Variants in SLC38A12 observed in about 807,000 individuals in gnomAD.
SLC38A12 encodes the protein putative sodium-coupled neutral amino acid transporter 12.
the SLC38A12 span, among the ~76,000 whole-genome samples, chr17:74,811,663 G>A: frequency 1.2e-4 from 18 of 152,174 alleles, no homozygotes; most frequent in East Asian, 1.4e-3. Context: ...GGAGGTTGCC[G>A]CGAGCCAAGA....
At chr17:74,819,725 C>T in the SLC38A12 span, 1 of 1,611,092 alleles carries the variant, frequency 6.2e-7, no homozygotes, top group Non-Finnish European at 8.5e-7. Context: ...CCTGCACCCT[C>T]CTCACTCTTG....
the SLC38A12 span, among the ~76,000 whole-genome samples, chr17:74,796,607 C>T: frequency 6.6e-6 from 1 of 152,270 alleles, no homozygotes; most frequent in Non-Finnish European, 1.5e-5. Flanking sequence ...GCCCTGTGGC[C>T]TGGGCCATGG....
the SLC38A12 span, among the ~76,000 whole-genome samples, chr17:74,786,300 T>G: frequency 6.6e-6 from 1 of 151,998 alleles, no homozygotes; most frequent in South Asian, 2.1e-4. Flanking sequence ...TTCCATTCTC[T>G]CAACCGGGTA....
chr17:74,837,740 C>T, the SLC38A12 span: 1 of 985,882 alleles, frequency 1.0e-6, no homozygotes, highest in Non-Finnish European at 1.2e-6. Flanking sequence ...CCCCAGCCAC[C>T]TCCCACTCAG....
the SLC38A12 span, among the ~76,000 whole-genome samples, chr17:74,815,198 A>T: frequency 6.6e-6 from 1 of 152,170 alleles, no homozygotes; most frequent in African/African-American, 2.4e-5. Flanking sequence ...GCAGCGGGCC[A>T]TGAGCATGAA....
the SLC38A12 span, among the ~76,000 whole-genome samples, chr17:74,795,846 A>C: frequency 6.6e-6 from 1 of 152,208 alleles, no homozygotes; most frequent in African/African-American, 2.4e-5. Flanking sequence ...CAGGCCTCAA[A>C]GTCAAGCGTG....
chr17:74,778,073 TA>T, the SLC38A12 span, among the ~76,000 whole-genome samples: 4,737 of 152,296 alleles, frequency 0.031, 233 homozygotes, highest in African/African-American at 0.11. Context: ...GCACAACTTT[TA>T]TAGTCTTGGA....
At chr17:74,834,881 C>A in the SLC38A12 span, among the ~76,000 whole-genome samples, 2 of 152,240 alleles carry the variant, frequency 1.3e-5, no homozygotes, top group Non-Finnish European at 2.9e-5. Flanking sequence ...GAGTAGCTAA[C>A]CACGGTTCTG....
At chr17:74,794,978 G>A in the SLC38A12 span, 2 of 1,543,736 alleles carry the variant, frequency 1.3e-6, no homozygotes, top group East Asian at 4.5e-5. Context: ...ACATCTCTTT[G>A]TGGCTCCCTG....
the SLC38A12 span, among the ~76,000 whole-genome samples, chr17:74,812,959 AC>A: frequency 6.6e-6 from 1 of 152,160 alleles, no homozygotes; most frequent in Non-Finnish European, 1.5e-5. Flanking sequence ...ACTCCATCTC[AC>A]TACAGCGTGG....
chr17:74,815,256 C>T, the SLC38A12 span, among the ~76,000 whole-genome samples: 1 of 152,110 alleles, frequency 6.6e-6, no homozygotes. Flanking sequence ...GGGGCTGCAG[C>T]TTGGGCAGTG....
At chr17:74,777,519 G>T in the SLC38A12 span, 1 of 1,547,870 alleles carries the variant, frequency 6.5e-7, no homozygotes, top group Non-Finnish European at 8.7e-7. Context: ...CCATGGGGCA[G>T]CGACTACAGT....
chr17:74,828,846 T>A, the SLC38A12 span, among the ~76,000 whole-genome samples: 1 of 152,104 alleles, frequency 6.6e-6, no homozygotes, highest in African/African-American at 2.4e-5. Context: ...TGGACCAAGG[T>A]TGGTGGCAGG....
chr17:74,787,398 GGATCAT>G, the SLC38A12 span, among the ~76,000 whole-genome samples: 2 of 142,218 alleles, frequency 1.4e-5, no homozygotes, highest in South Asian at 4.5e-4. Context: ...CGAGGCAGGT[GGATCAT>G]GAGGTCAGGA....
the SLC38A12 span, chr17:74,839,055 T>A: frequency 4.6e-6 from 7 of 1,535,166 alleles, no homozygotes; most frequent in Non-Finnish European, 6.1e-6. Context: ...AAGGTGGGAG[T>A]AAACTTTCTT....
the SLC38A12 span, among the ~76,000 whole-genome samples, chr17:74,819,276 G>A: frequency 6.6e-6 from 1 of 152,226 alleles, no homozygotes; most frequent in Admixed American, 6.5e-5. Context: ...TCTCCTGCGA[G>A]GCTTCGTCAG....
chr17:74,821,053 C>A, the SLC38A12 span, among the ~76,000 whole-genome samples: 2 of 152,202 alleles, frequency 1.3e-5, no homozygotes, highest in African/African-American at 4.8e-5. Flanking sequence ...CTGTACAGCA[C>A]AGGGGACAGG....
the SLC38A12 span, among the ~76,000 whole-genome samples, chr17:74,792,929 A>G: frequency 6.6e-6 from 1 of 152,208 alleles, no homozygotes; most frequent in Non-Finnish European, 1.5e-5. Context: ...CAGCAACGCA[A>G]AGTCCCCTTC....
the SLC38A12 span, among the ~76,000 whole-genome samples, chr17:74,825,211 A>G: frequency 6.6e-6 from 1 of 152,156 alleles, no homozygotes; most frequent in Non-Finnish European, 1.5e-5. Flanking sequence ...GCAGCCCTGC[A>G]CGGCCCAGGT....
Sources: allele counts gnomAD v4.1 joint callset (sites outside exome capture counted in the v4.1 genomes callset), GRCh38; gene constraint gnomAD v4.1.1; transcripts MANE v1.5; gene names NCBI Gene and HGNC (gene_info 2026-07-23, HGNC 2026-07-21).